Variants in DYSF observed in about 807,000 individuals in gnomAD.
DYSF encodes the protein dystrophy-associated fer-1-like 1.
In DYSF, 212 loss-of-function variants were observed where a neutral mutation model predicts 274.9. That is an observed-to-expected ratio of 0.77 (90% CI 0.69 to 0.86). The LOEUF (loss-of-function observed/expected upper bound fraction) is 0.86. Ranked by LOEUF, DYSF falls within the 40% of genes least tolerant of loss-of-function variation. DYSF has a pLI of 0.00. For synonymous variants in DYSF, 1,091 were observed against 1,078.7 expected (o/e 1.01, Z -0.22); for missense variants, 2,666 against 2,783.2 (o/e 0.96, Z 0.95).
chr2:71,669,452 A>G (rs2095079805), intron 50 of DYSF, among the ~76,000 whole-genome samples, 153 bp from the exon 51 acceptor site: 1 of 152,184 alleles, frequency 6.6e-6, no homozygotes, highest in Non-Finnish European at 1.5e-5. Context: ...TTTCAAATTT[A>G]TGGCACATTT....
At chr2:71,486,376 G>C (rs1473981678) in intron 3 of DYSF, among the ~76,000 whole-genome samples, 1 of 151,636 alleles carries the variant, frequency 6.6e-6, no homozygotes, top group Non-Finnish European at 1.5e-5. Flanking sequence ...CTCTGTCTCT[G>C]TGTCTCCTGC....
intron 22 of DYSF, among the ~76,000 whole-genome samples, chr2:71,561,543 G>A (rs1232193766): frequency 6.6e-6 from 1 of 152,224 alleles, no homozygotes; most frequent in African/African-American, 2.4e-5. Context: ...AGGCGCGTAG[G>A]CTGACATGGG....
At chr2:71,491,114 G>C (rs551247624) in intron 3 of DYSF, among the ~76,000 whole-genome samples, 1 of 152,194 alleles carries the variant, frequency 6.6e-6, no homozygotes, top group East Asian at 1.9e-4. Flanking sequence ...CTAGTAGAAC[G>C]GACCAAAAAA....
chr2:71,664,233 T>C, intron 45 of DYSF, 35 bp from the exon 46 acceptor site: 1 of 1,613,396 alleles, frequency 6.2e-7, no homozygotes. Flanking sequence ...GGGTGCCCCG[T>C]GTTGGCTGAC....
At chr2:71,555,823 G>A in intron 21 of DYSF, 142 bp from the exon 22 acceptor site, 2 of 716,166 alleles carry the variant, frequency 2.8e-6, no homozygotes, top group Non-Finnish European at 5.1e-6. Context: ...ACCCTGGTTT[G>A]TTGGGCCTGG....
chr2:71,570,894 C>T, intron 29 of DYSF, 153 bp downstream of exon 29: 1 of 1,110,808 alleles, frequency 9.0e-7, no homozygotes, highest in Non-Finnish European at 1.3e-6. Flanking sequence ...AGATCACACC[C>T]AGCATACCCA....
chr2:71,558,901 C>T (rs868573347), intron 22 of DYSF, among the ~76,000 whole-genome samples: 1 of 152,256 alleles, frequency 6.6e-6, no homozygotes, highest in Middle Eastern at 3.4e-3. Flanking sequence ...AGCTAGAGGG[C>T]TTCCTCCACC....
intron 13 of DYSF, 70 bp downstream of exon 13, chr2:71,526,416 G>C: frequency 1.9e-6 from 1 of 513,684 alleles, no homozygotes; most frequent in East Asian, 5.8e-5. Flanking sequence ...GGGGGTGGGC[G>C]ATGGCGGGCG....
intron 47 of DYSF, among the ~76,000 whole-genome samples, chr2:71,665,971 A>G (rs2094995262): frequency 1.3e-5 from 2 of 152,106 alleles, no homozygotes; most frequent in Non-Finnish European, 2.9e-5. Flanking sequence ...GTTGCTTCAG[A>G]GATGTTTGAT....
At chr2:71,622,487 G>A (rs976739277) in intron 41 of DYSF, among the ~76,000 whole-genome samples, 2 of 152,150 alleles carry the variant, frequency 1.3e-5, no homozygotes. Flanking sequence ...ATGCTGCTGA[G>A]CAGACTTATT....
At chr2:71,586,008 A>G (rs1446072051) in intron 30 of DYSF, among the ~76,000 whole-genome samples, 1 of 150,550 alleles carries the variant, frequency 6.6e-6, no homozygotes, top group Non-Finnish European at 1.5e-5. Flanking sequence ...TGGTGTGAGC[A>G]GGTAGGGGGT....
chr2:71,561,539 G>A (rs1319354826), intron 22 of DYSF, among the ~76,000 whole-genome samples: 1 of 152,200 alleles, frequency 6.6e-6, no homozygotes, highest in Non-Finnish European at 1.5e-5. Flanking sequence ...CAGGAGGCGC[G>A]TAGGCTGACA....
At chr2:71,662,518 G>GTA (rs2094903331) in intron 45 of DYSF, among the ~76,000 whole-genome samples, 2 of 151,020 alleles carry the variant, frequency 1.3e-5, no homozygotes, top group Non-Finnish European at 3.0e-5. Context: ...ATGTGTATGT[G>GTA]TGTCTGTGTT....
chr2:71,549,200 G>C, intron 17 of DYSF: 2 of 722,154 alleles, frequency 2.8e-6, no homozygotes, highest in Non-Finnish European at 4.9e-6. Context: ...CTGGGCAGAG[G>C]GTGGGGCCTC....
chr2:71,686,241 G>A (rs2095355005), intron 55 of DYSF, among the ~76,000 whole-genome samples: 1 of 152,192 alleles, frequency 6.6e-6, no homozygotes, highest in Admixed American at 6.5e-5. Context: ...GGAGCACTAG[G>A]CAGGGCGGAG....
Position 71,664,417 on chromosome 2 carries a change from G to A in DYSF, c.5153G>A (p.Gly1718Glu). The change falls in exon 46 of 56, where the codon GGA (glycine) becomes GAA (glutamate). Residue 1718 changes from glycine to glutamate, a missense_variant. Transcript: ENST00000410020. ...RLLSKFGARCGLPQTYCVSGP... is the reference protein window; with the variant it reads ...RLLSKFGARCELPQTYCVSGP... ...CTGTCCAAGTTTGGGGCTCGCTGTG[G>A]ACTCCCACAGACCTACTGTGTGTAC... 1 of 1,614,172 alleles carries A rather than the reference G, an allele frequency of 6.2e-7. No homozygotes were observed. Among genetic ancestry groups the A allele is most frequent in the Admixed American group, 1.7e-5 (1 of 60,028 alleles).
At chr2:71,551,800 C>G (rs2090970163) in intron 19 of DYSF, 80 bp downstream of exon 19, 15 of 1,182,108 alleles carry the variant, frequency 1.3e-5, no homozygotes. Flanking sequence ...CTTGAGGTGT[C>G]ATGGCCGAGG....
intron 5 of DYSF, 132 bp from the exon 6 acceptor site, chr2:71,513,108 C>A: frequency 1.2e-6 from 1 of 843,514 alleles, no homozygotes; most frequent in Non-Finnish European, 2.0e-6. Flanking sequence ...GGCTCCACAG[C>A]TATTTCTGAG....
intron 4 of DYSF, among the ~76,000 whole-genome samples, chr2:71,508,598 T>G (rs2085750336): frequency 6.6e-6 from 1 of 152,214 alleles, no homozygotes; most frequent in Non-Finnish European, 1.5e-5. Context: ...TGTTTAGATT[T>G]AGGCTGTGTG....
Sources: allele counts gnomAD v4.1 joint callset (sites outside exome capture counted in the v4.1 genomes callset), GRCh38; gene constraint gnomAD v4.1.1; transcripts MANE v1.5; gene names NCBI Gene and HGNC (gene_info 2026-07-23, HGNC 2026-07-21).